The following THSD4 variants were observed in gnomAD, a reference collection of about 807,000 sequenced individuals.
THSD4 encodes thrombospondin type 1 domain containing 4, also known as thrombospondin type-1 domain-containing protein 4.
A neutral mutation model predicts 119.0 loss-of-function variants in THSD4; 69 were observed. That is an observed-to-expected ratio of 0.58 (90% CI 0.48 to 0.71). THSD4 has a LOEUF of 0.71. Among genes scored for constraint, THSD4 ranks in the 30% least tolerant of loss-of-function variants. The pLI is 0.00. For missense variants in THSD4, 1,393 were observed against 1,391.1 expected, an observed-to-expected ratio of 1.00 and a Z score of -0.02; for synonymous variants, 524 against 540.4, an observed-to-expected ratio of 0.97 and a Z score of 0.42.
chr15:71,748,527 A>G lies in THSD4; in HGVS notation c.2348A>G (p.Asn783Ser), dbSNP rs370561867. 1.9e-6 allele frequency: 3 copies of G among 1,614,218 alleles called. No individual in the cohort carries two copies. The highest frequency in any genetic ancestry group is 2.2e-5 in the East Asian group (1 of 44,880). The change falls in exon 14 of 18, where the codon AAT becomes AGT. Residue 783 changes from asparagine to serine, a missense_variant. Physicochemically the swap from Asn to Ser is conservative, Grantham distance 46 (BLOSUM62 1). Coordinates refer to ENST00000261862, the MANE Select transcript of THSD4 (RefSeq NM_024817.3). ...DEECNMKLRP[N>S]DIENCDMGPC... ...GAATGCAACATGAAGCTCCGGCCGA[A>G]TGACATTGAGAACTGCGACATGGGA...
intron 7 of THSD4, among the ~76,000 whole-genome samples, chr15:71,596,903 G>T: frequency 6.6e-6 from 1 of 152,206 alleles, no homozygotes; most frequent in South Asian, 2.1e-4. Context: ...AAGAGCAGCA[G>T]CCAAAGAGGG....
intron 7 of THSD4, among the ~76,000 whole-genome samples, chr15:71,654,117 A>G (rs2051143553): frequency 6.6e-6 from 1 of 152,232 alleles, no homozygotes; most frequent in African/African-American, 2.4e-5. Flanking sequence ...GACAATAACT[A>G]AACAAATGGG....
chr15:71,266,028 C>T (rs902825306), intron 6 of THSD4, among the ~76,000 whole-genome samples: 66 of 152,214 alleles, frequency 4.3e-4, no homozygotes, highest in African/African-American at 1.4e-3. Flanking sequence ...GATGTGAGCG[C>T]AGCTTCAGCA....
intron 7 of THSD4, among the ~76,000 whole-genome samples, chr15:71,512,444 C>T (rs545152190): frequency 3.3e-4 from 50 of 152,120 alleles, no homozygotes; most frequent in Non-Finnish European, 5.3e-4. Context: ...CTATTAAAGA[C>T]GACAGTAAAA....
intron 6 of THSD4, among the ~76,000 whole-genome samples, chr15:71,391,456 G>A (rs1409493132): frequency 2.0e-5 from 3 of 152,150 alleles, no homozygotes; most frequent in Admixed American, 6.5e-5. Context: ...TAAGATTATA[G>A]GTGTGAGCCA....
intron 6 of THSD4, among the ~76,000 whole-genome samples, chr15:71,395,862 A>AC (rs1461512938): frequency 6.6e-6 from 1 of 151,590 alleles, no homozygotes; most frequent in Non-Finnish European, 1.5e-5. Flanking sequence ...TTCCTGCTAC[A>AC]ACCTTCCTTT....
intron 5 of THSD4, among the ~76,000 whole-genome samples, chr15:71,245,718 T>A (rs1263911449): frequency 6.6e-6 from 1 of 152,184 alleles, no homozygotes; most frequent in Non-Finnish European, 1.5e-5. Context: ...ATAGGCACCC[T>A]CTGCCTGCCA....
At chr15:71,554,167 GCA>G (rs2048979738) in intron 7 of THSD4, among the ~76,000 whole-genome samples, 1 of 144,706 alleles carries the variant, frequency 6.9e-6, no homozygotes, top group Non-Finnish European at 1.5e-5. Flanking sequence ...TCAGCTCACT[GCA>G]AGCTCCGCCT....
At chr15:71,437,502 T>C (rs980268628) in intron 7 of THSD4, among the ~76,000 whole-genome samples, 8 of 152,182 alleles carry the variant, frequency 5.3e-5, no homozygotes, top group African/African-American at 1.9e-4. Flanking sequence ...GTGTGGACTT[T>C]AGGAAGATAA....
intron 7 of THSD4, among the ~76,000 whole-genome samples, chr15:71,526,572 G>A (rs964863868): frequency 4.6e-5 from 7 of 152,204 alleles, no homozygotes; most frequent in East Asian, 1.9e-4. Flanking sequence ...AGGAATAGTC[G>A]CTGCATTAGA....
At chr15:71,594,491 C>T (rs1338940019) in intron 7 of THSD4, among the ~76,000 whole-genome samples, 2 of 152,130 alleles carry the variant, frequency 1.3e-5, no homozygotes, top group Non-Finnish European at 2.9e-5. Context: ...GATTTCTGCC[C>T]TCTGTGAGCC....
chr15:71,249,084 C>T (rs966794853), intron 5 of THSD4, among the ~76,000 whole-genome samples: 1 of 152,106 alleles, frequency 6.6e-6, no homozygotes, highest in South Asian at 2.1e-4. Flanking sequence ...ACAGAAAATT[C>T]TCTTACTGAC....
intron 7 of THSD4, among the ~76,000 whole-genome samples, chr15:71,620,272 T>C (rs2050397186): frequency 6.6e-6 from 1 of 152,136 alleles, no homozygotes; most frequent in Non-Finnish European, 1.5e-5. Context: ...CTTAATATGG[T>C]GTCTAACATA....
intron 8 of THSD4, among the ~76,000 whole-genome samples, chr15:71,708,198 G>C (rs879585955): frequency 6.6e-6 from 1 of 152,176 alleles, no homozygotes; most frequent in Non-Finnish European, 1.5e-5. Context: ...CGTCATCAAT[G>C]ACCTGCCAAG....
At chr15:71,454,111 G>T (rs980272730) in intron 7 of THSD4, among the ~76,000 whole-genome samples, 1 of 152,120 alleles carries the variant, frequency 6.6e-6, no homozygotes, top group African/African-American at 2.4e-5. Flanking sequence ...ACAAAAATTA[G>T]CCAGGTGTGG....
chr15:71,316,177 T>C (rs554810275), intron 6 of THSD4, among the ~76,000 whole-genome samples: 1 of 152,238 alleles, frequency 6.6e-6, no homozygotes, highest in Admixed American at 6.5e-5. Flanking sequence ...GCTGAAACAG[T>C]CATTTATGTC....
At chr15:71,344,904 A>G (rs1275055990) in intron 6 of THSD4, among the ~76,000 whole-genome samples, 1 of 152,002 alleles carries the variant, frequency 6.6e-6, no homozygotes, top group African/African-American at 2.4e-5. Context: ...GAGATCTGCC[A>G]AGGTGGGAGA....
At chr15:71,727,863 T>A (rs2052893020) in intron 8 of THSD4, among the ~76,000 whole-genome samples, 1 of 141,108 alleles carries the variant, frequency 7.1e-6, no homozygotes, top group Admixed American at 7.4e-5. Flanking sequence ...CCCATATTCA[T>A]AAATAAAGGG....
chr15:71,629,511 C>T (rs1183652383), intron 7 of THSD4, among the ~76,000 whole-genome samples: 1 of 152,176 alleles, frequency 6.6e-6, no homozygotes, highest in Non-Finnish European at 1.5e-5. Context: ...ATATCACCCG[C>T]CCTAACTATC....
Sources: gnomAD v4.1 joint callset for allele counts (sites outside exome capture counted in the v4.1 genomes callset) on GRCh38, gnomAD v4.1.1 for gene constraint, MANE v1.5 for transcripts, NCBI Gene and HGNC (gene_info 2026-07-23, HGNC 2026-07-21) for gene names.